TANC2: variants seen among roughly 807,000 people sequenced by gnomAD.
TANC2 encodes the protein protein TANC2.
TANC2 carries 26 observed loss-of-function variants against 210.5 expected under a neutral mutation model. That is an observed-to-expected ratio of 0.12 (90% CI 0.09 to 0.17). The LOEUF (loss-of-function observed/expected upper bound fraction) is 0.17, where lower values mean the gene tolerates loss of function less well. Ranked by LOEUF, TANC2 falls within the 10% of genes least tolerant of loss-of-function variation. The pLI, the probability that TANC2 is intolerant of heterozygous loss-of-function variation, is 1.00. For missense variants in TANC2, 2,129 were observed against 2,608.9 expected, an observed-to-expected ratio of 0.82 and a Z score of 4.01; for synonymous variants, 931 against 967.1, an observed-to-expected ratio of 0.96 and a Z score of 0.69.
At chr17:63,062,425 T>C (rs1459892072) in intron 2 of TANC2, among the ~76,000 whole-genome samples, 1 of 152,230 alleles carries the variant, frequency 6.6e-6, no homozygotes. Context: ...CTTTTTAGCA[T>C]GGAGCCGTAG....
intron 9 of TANC2, among the ~76,000 whole-genome samples, chr17:63,299,534 C>CTTTT (rs201041332): frequency 5.5e-5 from 7 of 126,548 alleles, no homozygotes; most frequent in African/African-American, 1.2e-4. Flanking sequence ...TGATGTTAAG[C>CTTTT]TTTTTTTTTT....
chr17:63,058,210 T>C (rs565016318), intron 2 of TANC2, among the ~76,000 whole-genome samples: 1 of 152,324 alleles, frequency 6.6e-6, no homozygotes, highest in East Asian at 1.9e-4. Flanking sequence ...TCCAAAAGCT[T>C]GTTGGCCACA....
At chr17:63,367,100 TG>T (rs1283698708) in intron 14 of TANC2, among the ~76,000 whole-genome samples, 1 of 152,232 alleles carries the variant, frequency 6.6e-6, no homozygotes, top group East Asian at 1.9e-4. Context: ...AAAGTCAAAT[TG>T]AGTACTGAAT....
At chr17:62,989,128 C>G (rs755681105) in intron 1 of TANC2, among the ~76,000 whole-genome samples, 2 of 152,174 alleles carry the variant, frequency 1.3e-5, no homozygotes. Flanking sequence ...CTTGAGCTCA[C>G]TTCTCTTTAA....
chr17:63,220,715 A>ATATATATATATATATATATATATAT (rs1325036062), intron 7 of TANC2, among the ~76,000 whole-genome samples: 4 of 138,836 alleles, frequency 2.9e-5, no homozygotes, highest in Non-Finnish European at 6.2e-5. Context: ...AAAAAAAAAA[A>ATATATATATATATATATATATATAT]AAAAATATAT....
intron 7 of TANC2, among the ~76,000 whole-genome samples, chr17:63,236,593 A>C (rs943082063): frequency 1.8e-4 from 27 of 152,166 alleles, no homozygotes; most frequent in African/African-American, 6.5e-4. Context: ...TAGGATATTC[A>C]TCACCCAAAT....
At chr17:63,220,833 TATATGTGTGTATATAC>T (rs2042166095) in intron 7 of TANC2, among the ~76,000 whole-genome samples, 5 of 149,298 alleles carry the variant, frequency 3.3e-5, no homozygotes, top group Non-Finnish European at 3.0e-5. Context: ...TGTATATGTA[TATATGTGTGTATATAC>T]GTATATACGT....
chr17:63,363,491 C>T (rs894898474), intron 14 of TANC2, among the ~76,000 whole-genome samples: 19 of 152,010 alleles, frequency 1.2e-4, no homozygotes, highest in African/African-American at 3.1e-4. Flanking sequence ...TCATAGTTTC[C>T]GGTTTTAGAT....
chr17:63,413,537 C>T lies in TANC2; in HGVS notation c.3929-6C>T. 2 of 1,586,408 alleles carry T rather than the reference C, an allele frequency of 1.3e-6. No homozygotes were observed. The highest frequency in any genetic ancestry group is 1.2e-5 in the South Asian group (1 of 86,270). Reference sequence around the variant, plus strand: ...TTTTACCCATCATGCATCCTGTACACTACAGGTCCAGCCACATGGGCGATG... The same window carrying T: ...TTTTACCCATCATGCATCCTGTACATTACAGGTCCAGCCACATGGGCGATG... On this transcript the variant is annotated splice_region_variant and splice_polypyrimidine_tract_variant and intron_variant, in intron 24 of 27. Transcript: ENST00000689528.
intron 4 of TANC2, among the ~76,000 whole-genome samples, chr17:63,102,003 T>G (rs2037640717): frequency 6.6e-6 from 1 of 152,058 alleles, no homozygotes; most frequent in Non-Finnish European, 1.5e-5. Context: ...GGGACAGTAG[T>G]AGAAAATGAG....
intron 8 of TANC2, among the ~76,000 whole-genome samples, chr17:63,248,591 G>T (rs1050911371): frequency 1.3e-5 from 2 of 152,134 alleles, no homozygotes; most frequent in African/African-American, 2.4e-5. Context: ...CCATGATACA[G>T]ATTTCTCCCC....
chr17:63,228,349 G>GGTTACTGTAGCCGTCTACT (rs1273096062), intron 7 of TANC2, among the ~76,000 whole-genome samples: 1 of 152,164 alleles, frequency 6.6e-6, no homozygotes, highest in East Asian at 1.9e-4. Context: ...ACTATAGTTT[G>GGTTACTGTAGCCGTCTACT]AAGTCAGGTA....
intron 1 of TANC2, among the ~76,000 whole-genome samples, chr17:63,001,115 G>T (rs950380835): frequency 2.6e-5 from 4 of 151,944 alleles, no homozygotes; most frequent in Non-Finnish European, 5.9e-5. Context: ...GTAATAAGTT[G>T]CTGTTTTTAT....
At chr17:63,215,540 T>G (rs1010565693) in intron 7 of TANC2, among the ~76,000 whole-genome samples, 3 of 152,048 alleles carry the variant, frequency 2.0e-5, no homozygotes, top group African/African-American at 7.2e-5. Context: ...GGCTAGAGAT[T>G]GAGTTAATCA....
intron 14 of TANC2, among the ~76,000 whole-genome samples, chr17:63,369,863 A>G (rs977916795): frequency 6.6e-6 from 1 of 151,990 alleles, no homozygotes; most frequent in Admixed American, 6.5e-5. Context: ...TCAGCCTCCC[A>G]AAGTGCTGGG....
chr17:63,006,007 T>G (rs2033613258), intron 1 of TANC2, among the ~76,000 whole-genome samples: 1 of 151,670 alleles, frequency 6.6e-6, no homozygotes, highest in Admixed American at 6.6e-5. Flanking sequence ...TGCTCAACAT[T>G]TTGTTAATTT....
intron 17 of TANC2, 65 bp downstream of exon 17, chr17:63,389,609 T>A: frequency 7.1e-7 from 1 of 1,402,622 alleles, no homozygotes; most frequent in Non-Finnish European, 9.9e-7. Context: ...ATACTCTTTC[T>A]TATCTCCAGT....
intron 8 of TANC2, among the ~76,000 whole-genome samples, chr17:63,250,948 A>G (rs374660426): frequency 1.6e-4 from 25 of 152,310 alleles, no homozygotes; most frequent in African/African-American, 6.0e-4. Flanking sequence ...TATTTTAGTG[A>G]TATCTGTTAA....
chr17:63,135,227 A>G (rs2039050511), intron 4 of TANC2, among the ~76,000 whole-genome samples: 2 of 152,208 alleles, frequency 1.3e-5, no homozygotes, highest in Admixed American at 6.5e-5. Flanking sequence ...ATAAAAAGCA[A>G]AAAACCCCAC....
Sources: gnomAD v4.1 joint callset for allele counts (sites outside exome capture counted in the v4.1 genomes callset) on GRCh38, gnomAD v4.1.1 for gene constraint, MANE v1.5 for transcripts, NCBI Gene and HGNC (gene_info 2026-07-23, HGNC 2026-07-21) for gene names.